The following CSMD1 variants were observed in gnomAD, a reference collection of about 807,000 sequenced individuals.
CSMD1 encodes the protein CUB and Sushi multiple domains 1.
CSMD1 carries 213 observed loss-of-function variants against 417.5 expected under a neutral mutation model. The observed-to-expected ratio is 0.51, with a 90% CI of 0.46 to 0.57. The LOEUF (loss-of-function observed/expected upper bound fraction) is 0.57, where lower values mean the gene tolerates loss of function less well. CSMD1 is among the 20% of genes least tolerant of loss of function. The pLI is 0.00. For missense variants in CSMD1, 6,923 were observed against 4,529.7 expected (o/e 1.53, Z -15.17); for synonymous variants, 2,862 against 1,736.8 (o/e 1.65, Z -16.11).
rs552502518 is a variant in CSMD1 at position 4,059,502 on chromosome 8, G to T, written c.416-27403C>A. ...CCCTTCAAAAAATTAATGAATCCAG[G>T]AGCTGGTTTTTTGAAAGGATCAACA... On this transcript the variant is annotated intron_variant, in intron 3 of 69. Transcript: ENST00000635120. 3.2e-3 allele frequency among the ~76,000 whole-genome samples: 491 copies of T among 152,154 alleles called. 4 individuals carry two copies. The highest frequency in any genetic ancestry group is 0.011 in the African/African-American group (448 of 41,500).
chr8:4,240,914 T>C lies in CSMD1; in HGVS notation c.415+179039A>G, dbSNP rs568361456. ...GCATGTTACTGTAAAGAAAATAGTT[T>C]AAAATTATTTTTCCATTACCAACTT... On this transcript the variant is annotated intron_variant, in intron 3 of 69. Coordinates refer to ENST00000635120, the MANE Select transcript of CSMD1 (RefSeq NM_033225.6). 2.0e-5 allele frequency among the ~76,000 whole-genome samples: 3 copies of C among 152,354 alleles called. No homozygotes were observed. In the East Asian group the frequency reaches 5.8e-4, roughly 29 times the overall value.
intron 11 of CSMD1, among the ~76,000 whole-genome samples, chr8:3,469,714 A>T (rs780201053): frequency 2.0e-5 from 3 of 152,222 alleles, no homozygotes; most frequent in Non-Finnish European, 2.9e-5. Context: ...CAATCATATC[A>T]TCTGTCTATC....
intron 7 of CSMD1, among the ~76,000 whole-genome samples, chr8:3,629,534 C>G (rs764295821): frequency 9.2e-5 from 14 of 152,110 alleles, no homozygotes; most frequent in Non-Finnish European, 1.9e-4. Flanking sequence ...ATATCAGCTC[C>G]TCATCTTTTT....
At chr8:4,150,269 C>A (rs1022946436) in intron 3 of CSMD1, among the ~76,000 whole-genome samples, 9 of 152,192 alleles carry the variant, frequency 5.9e-5, no homozygotes, top group Non-Finnish European at 1.0e-4. Flanking sequence ...CATTCCCTTT[C>A]CCCAGATGTA....
At chr8:4,809,935 T>A (rs1422599359) in intron 1 of CSMD1, among the ~76,000 whole-genome samples, 1 of 152,204 alleles carries the variant, frequency 6.6e-6, no homozygotes, top group East Asian at 1.9e-4. Flanking sequence ...TTAACCTAAA[T>A]CAGTTTCTTC....
chr8:4,954,739 G>T (rs572060979), intron 1 of CSMD1, among the ~76,000 whole-genome samples: 2 of 152,114 alleles, frequency 1.3e-5, no homozygotes, highest in African/African-American at 4.8e-5. Flanking sequence ...GAGACTGGAG[G>T]ATAAGAGCAA....
chr8:3,146,807 T>C (rs1394983870), intron 40 of CSMD1, among the ~76,000 whole-genome samples: 1 of 152,220 alleles, frequency 6.6e-6, no homozygotes, highest in Non-Finnish European at 1.5e-5. Flanking sequence ...CTTTTGCTTA[T>C]TTAAATTGTG....
chr8:3,752,479 A>AC (rs1358821490), intron 6 of CSMD1, among the ~76,000 whole-genome samples: 1 of 151,846 alleles, frequency 6.6e-6, no homozygotes, highest in Non-Finnish European at 1.5e-5. Flanking sequence ...ACATGGCGAA[A>AC]CCCCATCTCT....
intron 1 of CSMD1, among the ~76,000 whole-genome samples, chr8:4,679,889 T>A (rs1462288482): frequency 6.6e-6 from 1 of 152,164 alleles, no homozygotes; most frequent in Non-Finnish European, 1.5e-5. Flanking sequence ...ATAGAAATGC[T>A]CATTTAATTT....
intron 2 of CSMD1, among the ~76,000 whole-genome samples, chr8:4,522,078 G>T (rs924774284): frequency 4.6e-5 from 7 of 152,142 alleles, no homozygotes; most frequent in African/African-American, 1.4e-4. Flanking sequence ...ATCTAGAATT[G>T]TAGCTCCCAT....
intron 5 of CSMD1, among the ~76,000 whole-genome samples, chr8:3,765,024 C>T (rs13252954): frequency 0.16 from 23,785 of 151,930 alleles, 1,923 homozygotes; most frequent in Admixed American, 0.21. Flanking sequence ...GGATTACAGG[C>T]ATGACCCACC....
chr8:4,064,017 C>T (rs1799115059), intron 3 of CSMD1, among the ~76,000 whole-genome samples: 1 of 152,210 alleles, frequency 6.6e-6, no homozygotes, highest in South Asian at 2.1e-4. Flanking sequence ...AAAGAAGCCT[C>T]AGATGCTCAA....
intron 1 of CSMD1, among the ~76,000 whole-genome samples, chr8:4,705,807 G>A (rs552274523): frequency 6.6e-6 from 1 of 152,022 alleles, no homozygotes; most frequent in Non-Finnish European, 1.5e-5. Flanking sequence ...GTCTAGTTCT[G>A]GGAGAAAGAT....
At chr8:3,119,365 A>G (rs1481946449) in intron 41 of CSMD1, among the ~76,000 whole-genome samples, 1 of 114,268 alleles carries the variant, frequency 8.8e-6, no homozygotes, top group Non-Finnish European at 1.9e-5. Flanking sequence ...AATCCATTGC[A>G]GTTTTTTTAG....
At chr8:4,112,945 G>T (rs139295165) in intron 3 of CSMD1, among the ~76,000 whole-genome samples, 172 of 152,208 alleles carry the variant, frequency 1.1e-3, no homozygotes, top group African/African-American at 4.0e-3. Flanking sequence ...TCATCCTTTT[G>T]CGTTACATTT....
At chr8:4,239,487 A>G (rs1029583238) in intron 3 of CSMD1, among the ~76,000 whole-genome samples, 2 of 152,178 alleles carry the variant, frequency 1.3e-5, no homozygotes, top group African/African-American at 2.4e-5. Flanking sequence ...CCCTCAGATC[A>G]GCTGCCCCAC....
intron 23 of CSMD1, among the ~76,000 whole-genome samples, chr8:3,311,866 T>G (rs17079888): frequency 0.056 from 8,599 of 152,250 alleles, 781 homozygotes; most frequent in African/African-American, 0.19. Context: ...TTCAGTAGTT[T>G]ATAGCCATAA....
rs750231111 is a variant in CSMD1, at chr8:3,412,008, A to ATATACGTG, written c.1562-2404_1562-2403insCACGTATA. On this transcript the variant is annotated intron_variant, in intron 12 of 69. Transcript: ENST00000635120. ...TATATATACGTGTATATACACGTATATATATACATATACACACGTATATAT... is the reference window on the plus strand; with the variant it reads ...TATATATACGTGTATATACACGTATATATACGTGTATATACATATACACACGTATATAT... Among the ~76,000 whole-genome samples, 416 of 49,386 alleles carry ATATACGTG rather than the reference A, an allele frequency of 8.4e-3. 180 individuals are homozygous for ATATACGTG. The highest frequency in any genetic ancestry group is 0.016 in the Admixed American group (70 of 4,334). 32.4% of individuals were successfully genotyped at this position (49,386 alleles called of 152,430 possible).
chr8:4,930,107 T>C (rs1306748416), intron 1 of CSMD1, among the ~76,000 whole-genome samples: 1 of 152,208 alleles, frequency 6.6e-6, no homozygotes, highest in African/African-American at 2.4e-5. Flanking sequence ...TCTGTCACTG[T>C]TTTTGTGTGA....
Sources: allele counts gnomAD v4.1 joint callset (sites outside exome capture counted in the v4.1 genomes callset), GRCh38; gene constraint gnomAD v4.1.1; transcripts MANE v1.5; gene names NCBI Gene and HGNC (gene_info 2026-07-23, HGNC 2026-07-21).